SHLD1: variants seen among roughly 807,000 people sequenced by gnomAD.
The protein encoded by SHLD1 is RINN1-REV7-interacting novel NHEJ regulator 3.
In SHLD1, 3 loss-of-function variants were observed where a neutral mutation model predicts 5.5. The observed-to-expected ratio is 0.54, with a 90% CI of 0.25 to 1.40. The LOEUF (loss-of-function observed/expected upper bound fraction) is 1.40, where lower values mean the gene tolerates loss of function less well. Among genes scored for constraint, SHLD1 ranks in the 40% most tolerant of loss-of-function variants. The pLI is 0.15. For missense variants in SHLD1, 210 were observed against 244.4 expected (o/e 0.86, Z 0.94); for synonymous variants, 92 against 94.3 (o/e 0.98, Z 0.14).
intron 2 of SHLD1, among the ~76,000 whole-genome samples, chr20:5,851,154 A>G (rs2088003774): frequency 1.3e-5 from 2 of 152,198 alleles, no homozygotes; most frequent in South Asian, 2.1e-4. Flanking sequence ...ATCTTCAGGA[A>G]AGATTATTGG....
intron 2 of SHLD1, among the ~76,000 whole-genome samples, chr20:5,778,320 G>A (rs1297326886): frequency 6.7e-6 from 1 of 148,916 alleles, no homozygotes. Flanking sequence ...GTAGAGATGA[G>A]GTTTCACCGT....
intron 1 of SHLD1, among the ~76,000 whole-genome samples, chr20:5,767,791 C>T (rs1406724370): frequency 2.0e-5 from 3 of 152,014 alleles, no homozygotes; most frequent in Admixed American, 1.3e-4. Flanking sequence ...GTGTAATGTC[C>T]AAATGCTGAA....
At chr20:5,854,889 G>T (rs1434431623) in intron 2 of SHLD1, among the ~76,000 whole-genome samples, 4 of 66,232 alleles carry the variant, frequency 6.0e-5, no homozygotes, top group African/African-American at 4.2e-4. Flanking sequence ...TTTTTTAAGA[G>T]ACAGGTCTTG....
chr20:5,763,290 CAAAAAAAAAAAAA>C (rs57863188), intron 1 of SHLD1, among the ~76,000 whole-genome samples: 1 of 58,120 alleles, frequency 1.7e-5, no homozygotes, highest in African/African-American at 6.5e-5. Context: ...AACTCCATCT[CAAAAAAAAAAAAA>C]AAAAAAAAAG....
At chr20:5,759,571 C>T (rs2122189964) in intron 1 of SHLD1, among the ~76,000 whole-genome samples, 1 of 152,110 alleles carries the variant, frequency 6.6e-6, no homozygotes, top group African/African-American at 2.4e-5. Flanking sequence ...TCTAGCTCTG[C>T]TGCTCAGGCT....
chr20:5,794,597 G>A (rs191533870), intron 2 of SHLD1, among the ~76,000 whole-genome samples: 14 of 152,280 alleles, frequency 9.2e-5, no homozygotes, highest in Non-Finnish European at 1.9e-4. Flanking sequence ...TCTTCATTGT[G>A]AGTGTCATGT....
At chr20:5,822,884 T>C (rs13042683) in intron 2 of SHLD1, among the ~76,000 whole-genome samples, 24,469 of 152,038 alleles carry the variant, frequency 0.16, 2,544 homozygotes, top group Non-Finnish European at 0.22. Context: ...TTCCTTTTTA[T>C]AGCAGAAGGC....
intron 2 of SHLD1, among the ~76,000 whole-genome samples, chr20:5,854,106 AGCAATTCTCCT>A (rs2088050152): frequency 6.6e-6 from 1 of 151,852 alleles, no homozygotes; most frequent in Non-Finnish European, 1.5e-5. Context: ...CCCGGGTTCA[AGCAATTCTCCT>A]GCCTCAGCCT....
chr20:5,825,136 T>C (rs933959949), intron 2 of SHLD1, among the ~76,000 whole-genome samples: 1 of 152,262 alleles, frequency 6.6e-6, no homozygotes, highest in African/African-American at 2.4e-5. Context: ...TGCCTTCTCT[T>C]GCACATAAAA....
chr20:5,863,311 G>T lies in SHLD1; in HGVS notation c.466G>T (p.Gly156Cys). 6.2e-7 allele frequency: 1 copy of T among 1,614,172 alleles called. No individual in the cohort carries two copies. The highest frequency in any genetic ancestry group is 1.3e-5 in the African/African-American group (1 of 75,036). ...QMARVIFNRDGCSVLQRHSRD... is the reference protein window; with the variant it reads ...QMARVIFNRDCCSVLQRHSRD... ...GGCCCGGGTGATCTTCAACCGGGAC[G>T]GCTGCTCCGTCTTACAGAGGCATTC... is the stretch of plus-strand genomic sequence containing the variant. Residue 156 changes from glycine to cysteine, a missense_variant, in exon 3 of 3, where the codon GGC (glycine) becomes TGC (cysteine). Physicochemically the swap from Gly to Cys is radical, Grantham distance 159. Transcript: ENST00000303142.
chr20:5,798,479 T>G (rs1359928576), intron 2 of SHLD1, among the ~76,000 whole-genome samples: 1 of 151,560 alleles, frequency 6.6e-6, no homozygotes, highest in African/African-American at 2.4e-5. Context: ...ATTTTTTGTA[T>G]TTTTAGTAGA....
chr20:5,816,836 G>A (rs1407755358), intron 2 of SHLD1, among the ~76,000 whole-genome samples: 1 of 152,172 alleles, frequency 6.6e-6, no homozygotes, highest in South Asian at 2.1e-4. Context: ...TTGGGAGGCC[G>A]AGGCGGGTGG....
intron 2 of SHLD1, among the ~76,000 whole-genome samples, chr20:5,818,814 G>A (rs114741592): frequency 0.018 from 2,760 of 152,268 alleles, 48 homozygotes; most frequent in Middle Eastern, 0.088. Flanking sequence ...GGTGACTCCA[G>A]GGCTCAATCT....
In SHLD1 at chr20:5,828,646, C is replaced by G. The variant is rs1472321809; in HGVS notation, c.179-34378C>G. Among the ~76,000 whole-genome samples the G allele has an allele frequency of 2.0e-5, 3 of 152,136 alleles. No homozygotes were observed. In the East Asian group the frequency reaches 5.8e-4, roughly 29 times the overall value. On this transcript the variant is annotated intron_variant, in intron 2 of 2. Transcript: ENST00000303142. ...GGGGAATTATTCTTTTTCTGCAATT[C>G]TTTTGCTTCGCATTTCACTGTCCTT... is the stretch of plus-strand genomic sequence containing the variant.
At chr20:5,754,931 CT>C (rs1281873692) in intron 1 of SHLD1, among the ~76,000 whole-genome samples, 1 of 152,094 alleles carries the variant, frequency 6.6e-6, no homozygotes, top group East Asian at 1.9e-4. Flanking sequence ...TGGCACATGC[CT>C]GTAATTCCAG....
chr20:5,806,355 GA>G lies in SHLD1; in HGVS notation c.178+33316del, dbSNP rs2122356527. On this transcript the variant is annotated intron_variant, in intron 2 of 2. Coordinates refer to ENST00000303142, the MANE Select transcript of SHLD1 (RefSeq NM_152504.4). This position sits in a 1 kb window ranked among gnomAD's most constrained non-coding sequence, Gnocchi z 7.6. The stretch of plus-strand genomic sequence containing the variant: ...GGATCGTGTCTTCTTCCTTCCATTT[GA>G]AAACTAGAACATTTGCTTATCTCCC... Among the ~76,000 whole-genome samples, 1 of 152,238 alleles carries G rather than the reference GA, an allele frequency of 6.6e-6. No individual in the cohort carries two copies. Among genetic ancestry groups the G allele is most frequent in the African/African-American group, 2.4e-5 (1 of 41,526 alleles).
chr20:5,768,699 A>G (rs1984980886), intron 1 of SHLD1, among the ~76,000 whole-genome samples: 1 of 152,202 alleles, frequency 6.6e-6, no homozygotes, highest in Non-Finnish European at 1.5e-5. Context: ...TATATTTCTT[A>G]CACATACATC....
At chr20:5,794,234 G>A (rs1205371000) in intron 2 of SHLD1, among the ~76,000 whole-genome samples, 1 of 152,144 alleles carries the variant, frequency 6.6e-6, no homozygotes, top group Non-Finnish European at 1.5e-5. Flanking sequence ...CTGCTTCATA[G>A]GTTGTCATGA....
chr20:5,847,369 G>C (rs531563961), intron 2 of SHLD1, among the ~76,000 whole-genome samples: 13 of 152,282 alleles, frequency 8.5e-5, no homozygotes, highest in Non-Finnish European at 1.6e-4. Flanking sequence ...AGCCGATGCC[G>C]TGAGGGTTGT....
Sources: allele counts gnomAD v4.1 joint callset (sites outside exome capture counted in the v4.1 genomes callset), GRCh38; gene constraint gnomAD v4.1.1; non-coding constraint Gnocchi (gnomAD v3.1); transcripts MANE v1.5; gene names NCBI Gene and HGNC (gene_info 2026-07-23, HGNC 2026-07-21).